Variants in HAVCR2 observed in about 807,000 individuals in gnomAD.
HAVCR2 encodes hepatitis A virus cellular receptor 2, also known as T cell immunoglobulin mucin 3.
HAVCR2 carries 13 observed loss-of-function variants against 24.7 expected under a neutral mutation model. The ratio of observed to expected loss-of-function variants is 0.53; its 90% CI spans 0.34 to 0.84. HAVCR2 has a LOEUF of 0.84. HAVCR2 is among the 40% of genes least tolerant of loss of function. HAVCR2 has a pLI of 0.01. For missense variants in HAVCR2, 343 were observed against 371.2 expected (o/e 0.92, Z 0.62); for synonymous variants, 154 against 143.4 (o/e 1.07, Z -0.53).
chr5:157,089,471 G>A (rs1389282080), intron 5 of HAVCR2, among the ~76,000 whole-genome samples: 1 of 151,986 alleles, frequency 6.6e-6, no homozygotes, highest in Non-Finnish European at 1.5e-5. Flanking sequence ...GGGAGACGGA[G>A]GTTGCGGTGA....
At chr5:157,106,393 G>C (rs1757252350) in intron 2 of HAVCR2, 4 of 514,664 alleles carry the variant, frequency 7.8e-6, no homozygotes, top group Non-Finnish European at 1.4e-5. Flanking sequence ...GCCTCCCAAA[G>C]TGCTGGGATT....
At chr5:157,095,005 G>A (rs993373445) in intron 5 of HAVCR2, among the ~76,000 whole-genome samples, 12 of 152,144 alleles carry the variant, frequency 7.9e-5, no homozygotes, top group African/African-American at 2.9e-4. Context: ...TTGAAACCTC[G>A]GGAAGGCAGC....
intron 6 of HAVCR2, among the ~76,000 whole-genome samples, 187 bp from the exon 7 acceptor site, chr5:157,087,481 C>A (rs1276036336): frequency 6.6e-6 from 1 of 151,134 alleles, no homozygotes; most frequent in Non-Finnish European, 1.5e-5. Context: ...GAGAAAATGT[C>A]CATTAATTTT....
In HAVCR2 at chr5:157,098,917, G is replaced by A; in HGVS notation, c.479-16C>T. 2 of 1,607,494 alleles carry A rather than the reference G, an allele frequency of 1.2e-6. No individual in the cohort carries two copies. Among genetic ancestry groups the A allele is most frequent in the African/African-American group, 2.7e-5 (2 of 74,692 alleles). The stretch of plus-strand genomic sequence containing the variant: ...TGTGTCTCTGCTATAAAAAGAGAGA[G>A]AGAGAGAGAGAGAGGAAAAATAGCC... On this transcript the variant is annotated splice_polypyrimidine_tract_variant and intron_variant, in intron 3 of 6. Transcript: ENST00000307851.
rs537205220 is a variant in HAVCR2, at chr5:157,088,857, A to T, written c.713+84T>A. The T allele has an allele frequency of 1.7e-3, 2,003 of 1,196,982 alleles. 46 individuals carry two copies. Among genetic ancestry groups the T allele is most frequent in the Middle Eastern group, 4.4e-3 (23 of 5,276 alleles). 74.1% of individuals were successfully genotyped at this position (1,196,982 alleles called of 1,614,324 possible). A position where few individuals can be genotyped will look rare whatever the true frequency, so the allele number is the denominator to read the frequency against. On this transcript the variant is annotated intron_variant, in intron 6 of 6. Transcript: ENST00000307851. ...TCAGATCTCAAAGCCCCAGGACAGG[A>T]TTTCTCAGAGAAAAGATCAGACATG...
chr5:157,099,935 A>T (rs1342460074), intron 3 of HAVCR2, among the ~76,000 whole-genome samples: 2 of 152,250 alleles, frequency 1.3e-5, no homozygotes, highest in East Asian at 1.9e-4. Flanking sequence ...ACCTCAAGTG[A>T]TCCACCCGCC....
At chr5:157,093,774 G>A (rs1757047978) in intron 5 of HAVCR2, among the ~76,000 whole-genome samples, 2 of 152,120 alleles carry the variant, frequency 1.3e-5, no homozygotes, top group Non-Finnish European at 2.9e-5. Flanking sequence ...GTGAAACCCT[G>A]TCTCTACTAA....
chr5:157,105,640 G>C (rs1385731809), intron 2 of HAVCR2, among the ~76,000 whole-genome samples: 2 of 152,194 alleles, frequency 1.3e-5, no homozygotes, highest in Admixed American at 6.5e-5. Flanking sequence ...ACTTGCTCAG[G>C]ATTATATAGC....
Position 157,095,436 on chromosome 5 carries a change from C to A in HAVCR2, c.546G>T (p.Glu182Asp), listed in dbSNP as rs765451458. ...NLTQISTLAN[E>D]LRDSRLANDL... ...CATTGGCCAATCTAGAGTCCCGTAACTCATTGGCCAATGTGGATATTTGCT... is the reference window on the plus strand; with the variant it reads ...CATTGGCCAATCTAGAGTCCCGTAAATCATTGGCCAATGTGGATATTTGCT... Residue 182 changes from glutamate (E) to aspartate (D), a missense_variant, in exon 5 of 7, where the codon GAG becomes GAT. Glu to Asp is a conservative substitution (Grantham distance 45). Transcript: ENST00000307851. The A allele has an allele frequency of 1.2e-6, 2 of 1,613,956 alleles. No homozygotes were observed. Among genetic ancestry groups the A allele is most frequent in the South Asian group, 2.2e-5 (2 of 91,080 alleles).
At position 157,095,707 on chromosome 5, in the gene HAVCR2, TA is replaced by T. The variant is rs35269370; in HGVS notation, c.523-249del. Among the ~76,000 whole-genome samples the T allele has an allele frequency of 4.8e-3, 619 of 129,950 alleles. 2 individuals are homozygous for T. Among genetic ancestry groups the T allele is most frequent in the African/African-American group, 0.015 (529 of 34,768 alleles). The allele number at this position is 129,950 out of a possible 152,430, so 85.3% of individuals were successfully genotyped here. A position where few individuals can be genotyped will look rare whatever the true frequency, so the allele number is the denominator to read the frequency against. ...GTGTTGTGGGTAGAGAAGGAGCTCT[TA>T]AAAAAAAAAAAAAAAAAAGAGAGAA... On this transcript the variant is annotated intron_variant, in intron 4 of 6. Transcript: ENST00000307851.
intron 3 of HAVCR2, 30 bp from the exon 4 acceptor site, chr5:157,098,931 G>GAGAGAGAGA: frequency 1.3e-6 from 2 of 1,541,172 alleles, no homozygotes; most frequent in Non-Finnish European, 1.8e-6. Context: ...GAGAGAGAGA[G>GAGAGAGAGA]GAAAAATAGC....
chr5:157,088,993 C>T lies in HAVCR2; in HGVS notation c.677-16G>A, dbSNP rs34613921. 9 of 1,595,764 alleles carry T rather than the reference C, an allele frequency of 5.6e-6. No homozygotes were observed. The African/African-American group carries it at 1.1e-4, about 19-fold the overall frequency. ...TGAGAATACCCTAGTAAGGGGGAAACAAAAGCCAATAAAAATGCATTCATA... is the reference window on the plus strand; with the variant it reads ...TGAGAATACCCTAGTAAGGGGGAAATAAAAGCCAATAAAAATGCATTCATA... On this transcript the variant is annotated splice_polypyrimidine_tract_variant and intron_variant, in intron 5 of 6. Transcript: ENST00000307851.
Position 157,098,722 on chromosome 5 carries a change from G to A in HAVCR2, c.522+136C>T, listed in dbSNP as rs965011116. ...AGGTTAGAACTGTCATCATCAACATGTTACAGCCCAGGAATCTGAAGCTAA... is the reference window on the plus strand; with the variant it reads ...AGGTTAGAACTGTCATCATCAACATATTACAGCCCAGGAATCTGAAGCTAA... On this transcript the variant is annotated intron_variant, in intron 4 of 6. Transcript: ENST00000307851. 2.1e-5 allele frequency: 16 copies of A among 750,782 alleles called. No homozygotes were observed. In the East Asian group the frequency reaches 2.5e-4, roughly 12 times the overall value. The allele number at this position is 750,782 out of a possible 1,614,324, so 46.5% of individuals were successfully genotyped here. A position where few individuals can be genotyped will look rare whatever the true frequency, so the allele number is the denominator to read the frequency against.
In HAVCR2 at chr5:157,105,025, T is replaced by C. The variant is rs74380638; in HGVS notation, c.395-276A>G. On this transcript the variant is annotated intron_variant, in intron 2 of 6. Coordinates refer to ENST00000307851, the MANE Select transcript of HAVCR2 (RefSeq NM_032782.5). The stretch of plus-strand genomic sequence containing the variant: ...CCATAATTACAGGTTGAAGACTCCT[T>C]ATCTGAAATGCTTGAGATCAGAAAT... The C allele has an allele frequency of 4.9e-3, 971 of 199,846 alleles. 13 individuals are homozygous for C. The highest frequency in any genetic ancestry group is 0.022 in the African/African-American group (925 of 42,980). 12.4% of individuals were successfully genotyped at this position (199,846 alleles called of 1,614,324 possible). A position where few individuals can be genotyped will look rare whatever the true frequency, so the allele number is the denominator to read the frequency against.
chr5:157,106,436 A>T, intron 2 of HAVCR2, 191 bp downstream of exon 2: 2 of 593,794 alleles, frequency 3.4e-6, no homozygotes, highest in Non-Finnish European at 6.0e-6. Flanking sequence ...AGGCACACCC[A>T]TGAGTTTTAA....
intron 5 of HAVCR2, among the ~76,000 whole-genome samples, chr5:157,091,827 G>A (rs1757008240): frequency 6.6e-6 from 1 of 152,192 alleles, no homozygotes; most frequent in African/African-American, 2.4e-5. Flanking sequence ...GTTTTGAGCA[G>A]CAGTGAGGTA....
chr5:157,098,744 C>A, intron 4 of HAVCR2, 114 bp downstream of exon 4: 3 of 886,228 alleles, frequency 3.4e-6, no homozygotes, highest in South Asian at 1.6e-5. Flanking sequence ...GAATCTGAAG[C>A]TAAGGGAACT....
rs1756906944 is a variant in HAVCR2 at position 157,085,998 on chromosome 5, G to C, written c.*1104C>G. On this transcript the variant is annotated 3_prime_UTR_variant, in exon 7 of 7. Coordinates refer to ENST00000307851, the MANE Select transcript of HAVCR2 (RefSeq NM_032782.5). ...GCGCTGGTAATATAGATTGCTGAAGGCCTTTGCCTTCTTTCCACCAGGCAA... is the reference window on the plus strand; with the variant it reads ...GCGCTGGTAATATAGATTGCTGAAGCCCTTTGCCTTCTTTCCACCAGGCAA... 2 of 152,120 alleles carry C rather than the reference G, an allele frequency of 1.3e-5. No individual in the cohort carries two copies. The highest frequency in any genetic ancestry group is 6.6e-5 in the Admixed American group (1 of 15,260). 9.4% of individuals were successfully genotyped at this position (152,120 alleles called of 1,614,324 possible). A position where few individuals can be genotyped will look rare whatever the true frequency, so the allele number is the denominator to read the frequency against.
At chr5:157,107,388 C>T (rs985476729) in intron 1 of HAVCR2, 7 of 161,886 alleles carry the variant, frequency 4.3e-5, no homozygotes, top group Admixed American at 6.2e-5. Context: ...GGAAACGGCC[C>T]GCCCATCTGG....
Sources: gnomAD v4.1 joint callset for allele counts (sites outside exome capture counted in the v4.1 genomes callset) on GRCh38, gnomAD v4.1.1 for gene constraint, MANE v1.5 for transcripts, NCBI Gene and HGNC (gene_info 2026-07-23, HGNC 2026-07-21) for gene names.